GPC5: variants seen among roughly 807,000 people sequenced by gnomAD.
GPC5 encodes the protein glypican-5.
A neutral mutation model predicts 53.9 loss-of-function variants in GPC5; 47 were observed. The ratio of observed to expected loss-of-function variants is 0.87; its 90% CI spans 0.69 to 1.11. GPC5 has a LOEUF of 1.11. Among genes scored for constraint, GPC5 ranks in the 50% most tolerant of loss-of-function variants. The pLI is 0.00. For synonymous variants in GPC5, 286 were observed against 263.3 expected (o/e 1.09, Z -0.84); for missense variants, 748 against 713.1 (o/e 1.05, Z -0.56).
At chr13:92,402,792 G>A (rs562716322) in intron 7 of GPC5, among the ~76,000 whole-genome samples, 2 of 152,280 alleles carry the variant, frequency 1.3e-5, no homozygotes, top group Admixed American at 1.3e-4. Context: ...AGTCAATTAA[G>A]AGCTATCCTT....
intron 7 of GPC5, among the ~76,000 whole-genome samples, chr13:92,165,754 T>C (rs2042022827): frequency 6.6e-6 from 1 of 152,226 alleles, no homozygotes; most frequent in African/African-American, 2.4e-5. Context: ...TCAAAAGCTA[T>C]TTGATAGATT....
At chr13:92,660,163 C>T (rs780828155) in intron 7 of GPC5, among the ~76,000 whole-genome samples, 17 of 152,068 alleles carry the variant, frequency 1.1e-4, no homozygotes, top group Non-Finnish European at 1.8e-4. Flanking sequence ...AGCATATAGT[C>T]TTGGTGTATG....
chr13:92,338,457 T>C (rs1218128182), intron 7 of GPC5, among the ~76,000 whole-genome samples: 1 of 152,066 alleles, frequency 6.6e-6, no homozygotes, highest in Non-Finnish European at 1.5e-5. Flanking sequence ...CACATGGATA[T>C]TTACAGCAGC....
chr13:92,395,219 A>G (rs970473414), intron 7 of GPC5, among the ~76,000 whole-genome samples: 3 of 152,180 alleles, frequency 2.0e-5, no homozygotes, highest in African/African-American at 7.2e-5. Flanking sequence ...GTAGCATTTT[A>G]TATGATCCAA....
chr13:92,038,911 G>A (rs2040919837), intron 6 of GPC5, among the ~76,000 whole-genome samples: 1 of 152,156 alleles, frequency 6.6e-6, no homozygotes, highest in Non-Finnish European at 1.5e-5. Context: ...CGCATCTAAG[G>A]AGGTGGCAGA....
intron 7 of GPC5, among the ~76,000 whole-genome samples, chr13:92,291,788 C>A (rs973427957): frequency 1.2e-4 from 19 of 152,076 alleles, no homozygotes. Context: ...CTGAAGCCAG[C>A]GAGACCACAA....
At chr13:92,802,080 A>T (rs930212691) in intron 7 of GPC5, among the ~76,000 whole-genome samples, 2 of 151,500 alleles carry the variant, frequency 1.3e-5, no homozygotes, top group Non-Finnish European at 2.9e-5. Context: ...ATTCACCCAG[A>T]GCAATTACCA....
At chr13:92,224,415 C>G (rs908074803) in intron 7 of GPC5, among the ~76,000 whole-genome samples, 3 of 152,166 alleles carry the variant, frequency 2.0e-5, no homozygotes, top group Non-Finnish European at 2.9e-5. Flanking sequence ...CAACTGTATT[C>G]TGTAGTTAGT....
At chr13:92,139,186 ATAAT>A (rs1247167122) in intron 6 of GPC5, among the ~76,000 whole-genome samples, 4 of 152,194 alleles carry the variant, frequency 2.6e-5, no homozygotes, top group Admixed American at 2.6e-4. Context: ...GATAAGAAAA[ATAAT>A]TAAGCAAGAC....
chr13:91,874,151 T>C (rs1296564821), intron 5 of GPC5, among the ~76,000 whole-genome samples: 3 of 152,230 alleles, frequency 2.0e-5, no homozygotes, highest in African/African-American at 7.2e-5. Context: ...GTTCTGTGCC[T>C]GTGAAAGAAT....
intron 7 of GPC5, among the ~76,000 whole-genome samples, chr13:92,254,367 T>C (rs1360668988): frequency 6.6e-6 from 1 of 152,176 alleles, no homozygotes; most frequent in Non-Finnish European, 1.5e-5. Context: ...CTGTGGATTA[T>C]GACAGGTATT....
intron 7 of GPC5, among the ~76,000 whole-genome samples, chr13:92,823,104 T>C (rs765548027): frequency 3.3e-5 from 5 of 152,158 alleles, no homozygotes; most frequent in Admixed American, 6.5e-5. Flanking sequence ...GAAATAACTA[T>C]ATTTTTTCAC....
rs1566446337 is a variant in GPC5, at chr13:92,125,923, G to GTTTTTTTTTTTTTTTTT, written c.1402-18907_1402-18906insTTTTTTTTTTTTTTTTT. Among the ~76,000 whole-genome samples, 11 of 41,536 alleles carry GTTTTTTTTTTTTTTTTT rather than the reference G, an allele frequency of 2.6e-4. 5 individuals are homozygous for GTTTTTTTTTTTTTTTTT. Among genetic ancestry groups the GTTTTTTTTTTTTTTTTT allele is most frequent in the Admixed American group, 5.9e-4 (2 of 3,418 alleles). The allele number at this position is 41,536 out of a possible 152,430, so 27.2% of individuals were successfully genotyped here. The stretch of plus-strand genomic sequence containing the variant: ...ATTAGAAAGGAAACATTTGTTTTTT[G>GTTTTTTTTTTTTTTTTT]GTTTTTTTTTTTTTTTTTTTTTTTT... On this transcript the variant is annotated intron_variant, in intron 6 of 7. Coordinates refer to ENST00000377067, the MANE Select transcript of GPC5 (RefSeq NM_004466.6).
At chr13:92,511,061 CAT>C (rs1319401592) in intron 7 of GPC5, among the ~76,000 whole-genome samples, 6 of 152,172 alleles carry the variant, frequency 3.9e-5, no homozygotes, top group African/African-American at 7.2e-5. Context: ...CTTATAAAGA[CAT>C]AGAGAAAAGG....
At chr13:91,765,837 G>C (rs1266466369) in intron 5 of GPC5, among the ~76,000 whole-genome samples, 1 of 152,158 alleles carries the variant, frequency 6.6e-6, no homozygotes, top group African/African-American at 2.4e-5. Context: ...TAATGACTGA[G>C]AATGCTTTAA....
intron 7 of GPC5, among the ~76,000 whole-genome samples, chr13:92,591,952 AC>A (rs1388660457): frequency 6.6e-6 from 1 of 152,140 alleles, no homozygotes; most frequent in Non-Finnish European, 1.5e-5. Context: ...CTGAGAGTCC[AC>A]CCTTAACTCC....
intron 2 of GPC5, among the ~76,000 whole-genome samples, chr13:91,525,564 T>G (rs1329437878): frequency 2.0e-5 from 3 of 152,196 alleles, no homozygotes; most frequent in Non-Finnish European, 4.4e-5. Context: ...ATACCACCTC[T>G]TTCTGACAAT....
Position 91,497,097 on chromosome 13 carries a change from C to A in GPC5, c.325+48175C>A, listed in dbSNP as rs570592768. On this transcript the variant is annotated intron_variant, in intron 2 of 7. Coordinates refer to ENST00000377067, the MANE Select transcript of GPC5 (RefSeq NM_004466.6). ...TGTTTTTTTTTAAAGATATTTAAAA[C>A]AAATAATGGCCTTTTATGGAACAAT... Among the ~76,000 whole-genome samples, 4 of 151,676 alleles carry A rather than the reference C, an allele frequency of 2.6e-5. No individual in the cohort carries two copies. In the South Asian group the frequency reaches 8.4e-4, roughly 32 times the overall value.
At chr13:92,441,582 A>G (rs967637736) in intron 7 of GPC5, among the ~76,000 whole-genome samples, 1 of 152,206 alleles carries the variant, frequency 6.6e-6, no homozygotes, top group African/African-American at 2.4e-5. Context: ...AATCCCAGTT[A>G]CAATAGCCAC....
Sources: allele counts gnomAD v4.1 joint callset (sites outside exome capture counted in the v4.1 genomes callset), GRCh38; gene constraint gnomAD v4.1.1; transcripts MANE v1.5; gene names NCBI Gene and HGNC (gene_info 2026-07-23, HGNC 2026-07-21).